ZNF516: variants seen among roughly 807,000 people sequenced by gnomAD.
ZNF516 encodes the protein zinc finger protein 516.
ZNF516 carries 19 observed loss-of-function variants against 79.7 expected under a neutral mutation model. The observed-to-expected ratio is 0.24, with a 90% CI of 0.17 to 0.35. ZNF516 has a LOEUF of 0.35. ZNF516 is among the 10% of genes least tolerant of loss of function. ZNF516 has a pLI of 1.00. For synonymous variants in ZNF516, 877 were observed against 739.5 expected (o/e 1.19, Z -3.02); for missense variants, 1,678 against 1,679.5 (o/e 1.00, Z 0.02).
chr18:76,462,670 G>A (rs1214103181), intron 2 of ZNF516, among the ~76,000 whole-genome samples: 1 of 152,180 alleles, frequency 6.6e-6, no homozygotes, highest in Non-Finnish European at 1.5e-5. Context: ...TTACTCATAT[G>A]CAAGCTAATA....
At position 76,493,019 on chromosome 18, in the gene ZNF516, G is replaced by A; in HGVS notation, c.-272+2125C>T. The A allele has an allele frequency of 2.0e-6, 2 of 985,464 alleles. No individual in the cohort carries two copies. Among genetic ancestry groups the A allele is most frequent in the Non-Finnish European group, 2.4e-6 (2 of 829,992 alleles). 61.0% of individuals were successfully genotyped at this position (985,464 alleles called of 1,614,324 possible). A position where few individuals can be genotyped will look rare whatever the true frequency, so the allele number is the denominator to read the frequency against. On this transcript the variant is annotated intron_variant, in intron 1 of 6. Coordinates refer to ENST00000443185, the MANE Select transcript of ZNF516 (RefSeq NM_014643.4). The surrounding 1 kb of genome is among the most constrained non-coding windows in gnomAD (Gnocchi z 5.2). ...ACACACCCCAAATTACCTCCGGGATGGAGAAAGCCGCTGCGGATTGGCCAG... is the reference window on the plus strand; with the variant it reads ...ACACACCCCAAATTACCTCCGGGATAGAGAAAGCCGCTGCGGATTGGCCAG...
At chr18:76,403,863 C>A (rs999837145) in intron 3 of ZNF516, among the ~76,000 whole-genome samples, 3 of 152,166 alleles carry the variant, frequency 2.0e-5, no homozygotes, top group Non-Finnish European at 4.4e-5. Flanking sequence ...TAATGAAATA[C>A]TTATGATTTT....
At position 76,418,786 on chromosome 18, in the gene ZNF516, A is replaced by G. The variant is rs539318765; in HGVS notation, c.1810+22459T>C. Among the ~76,000 whole-genome samples the G allele has an allele frequency of 4.6e-5, 7 of 152,382 alleles. No homozygotes were observed. The South Asian group carries it at 1.4e-3, about 32-fold the overall frequency. On this transcript the variant is annotated intron_variant, in intron 3 of 6. Coordinates refer to ENST00000443185, the MANE Select transcript of ZNF516 (RefSeq NM_014643.4). The stretch of plus-strand genomic sequence containing the variant: ...TGCAATGCAAAGCCGGGGAAAATGA[A>G]TTTAGTTTTAAAGCCAAAATTGAAC...
intron 3 of ZNF516, among the ~76,000 whole-genome samples, chr18:76,433,401 T>C (rs776916857): frequency 3.3e-5 from 5 of 152,170 alleles, no homozygotes; most frequent in Non-Finnish European, 1.5e-5. Context: ...AGATGGCAAT[T>C]TGAGGATGCC....
chr18:76,450,514 C>A (rs1415882010), intron 2 of ZNF516, among the ~76,000 whole-genome samples: 1 of 152,168 alleles, frequency 6.6e-6, no homozygotes, highest in Admixed American at 6.5e-5. Flanking sequence ...TTTAAAAGAT[C>A]GCTTTCTGAT....
chr18:76,418,469 TACA>T (rs1200972812), intron 3 of ZNF516, among the ~76,000 whole-genome samples: 9 of 152,076 alleles, frequency 5.9e-5, no homozygotes, highest in African/African-American at 1.5e-4. Context: ...TGTAACACGC[TACA>T]ACATGCTGTA....
chr18:76,391,148 A>T (rs2075067517), intron 3 of ZNF516, among the ~76,000 whole-genome samples: 1 of 152,166 alleles, frequency 6.6e-6, no homozygotes, highest in Non-Finnish European at 1.5e-5. Flanking sequence ...CGAGATTTCG[A>T]AAAGAAAAGA....
At chr18:76,375,792 AC>A (rs1380534149) in intron 4 of ZNF516, among the ~76,000 whole-genome samples, 1 of 149,432 alleles carries the variant, frequency 6.7e-6, no homozygotes, top group Non-Finnish European at 1.5e-5. Flanking sequence ...GGCCCCAAAG[AC>A]CAGGTAGAGG....
intron 3 of ZNF516, among the ~76,000 whole-genome samples, chr18:76,424,954 T>C (rs1599068012): frequency 8.0e-6 from 1 of 124,628 alleles, no homozygotes; most frequent in South Asian, 2.6e-4. Context: ...CACATGCAGG[T>C]GAAAAGGCTC....
intron 3 of ZNF516, among the ~76,000 whole-genome samples, chr18:76,415,297 G>C (rs546287357): frequency 6.6e-6 from 1 of 152,312 alleles, no homozygotes; most frequent in Admixed American, 6.5e-5. Flanking sequence ...AACTGATAAG[G>C]CGTGAGTGTT....
intron 6 of ZNF516, among the ~76,000 whole-genome samples, chr18:76,367,442 G>A (rs2074631346): frequency 6.6e-6 from 1 of 152,222 alleles, no homozygotes. Context: ...TCCCCTGTGG[G>A]AAGAAATTCA....
chr18:76,454,198 A>T (rs556580085), intron 2 of ZNF516, among the ~76,000 whole-genome samples: 11 of 152,232 alleles, frequency 7.2e-5, no homozygotes, highest in Non-Finnish European at 1.5e-4. Flanking sequence ...GCGCCCAAAA[A>T]AATCCCTTCA....
chr18:76,481,615 G>A (rs1442543375), intron 1 of ZNF516, among the ~76,000 whole-genome samples: 1 of 152,224 alleles, frequency 6.6e-6, no homozygotes, highest in Non-Finnish European at 1.5e-5. Flanking sequence ...GTCCTCTCGG[G>A]TAAAAGGGGA....
At chr18:76,440,362 T>C (rs2075798436) in intron 3 of ZNF516, among the ~76,000 whole-genome samples, 1 of 152,230 alleles carries the variant, frequency 6.6e-6, no homozygotes, top group African/African-American at 2.4e-5. Context: ...TGGATTTCTA[T>C]CACTCTTAAC....
intron 3 of ZNF516, among the ~76,000 whole-genome samples, chr18:76,437,947 C>A (rs1424245612): frequency 1.3e-5 from 2 of 152,136 alleles, no homozygotes; most frequent in African/African-American, 2.4e-5. Flanking sequence ...TCTATTGAGT[C>A]GCAGTGAGTA....
chr18:76,419,541 G>C (rs1187107372), intron 3 of ZNF516, among the ~76,000 whole-genome samples: 1 of 152,174 alleles, frequency 6.6e-6, no homozygotes, highest in Non-Finnish European at 1.5e-5. Flanking sequence ...ATCTCATCTT[G>C]AACTGTAGCT....
At chr18:76,396,486 T>C (rs547701600) in intron 3 of ZNF516, among the ~76,000 whole-genome samples, 1 of 152,304 alleles carries the variant, frequency 6.6e-6, no homozygotes, top group African/African-American at 2.4e-5. Flanking sequence ...GTAACTTTTA[T>C]AACAGACATG....
intron 3 of ZNF516, among the ~76,000 whole-genome samples, chr18:76,408,286 T>C (rs1231604747): frequency 6.6e-6 from 1 of 152,190 alleles, no homozygotes; most frequent in East Asian, 1.9e-4. Flanking sequence ...CAATGACTGT[T>C]TCCAAGGTGG....
chr18:76,383,035 C>CAAAAAAAA (rs772423972), intron 3 of ZNF516, among the ~76,000 whole-genome samples: 1 of 49,798 alleles, frequency 2.0e-5, no homozygotes, highest in African/African-American at 8.4e-5. Context: ...GACTCTGTCT[C>CAAAAAAAA]AAAAAAAAAA....
Sources: gnomAD v4.1 joint callset for allele counts (sites outside exome capture counted in the v4.1 genomes callset) on GRCh38, gnomAD v4.1.1 for gene constraint, Gnocchi (gnomAD v3.1) non-coding constraint, MANE v1.5 for transcripts, NCBI Gene and HGNC (gene_info 2026-07-23, HGNC 2026-07-21) for gene names.